DNAH6: variants seen among roughly 807,000 people sequenced by gnomAD.
DNAH6 encodes the protein dynein axonemal heavy chain 6.
Under a neutral mutation model 491.4 loss-of-function variants are expected in DNAH6, and 340 were observed. The observed-to-expected ratio is 0.69, with a 90% CI of 0.63 to 0.76. The LOEUF is 0.76. DNAH6 is among the 30% of genes least tolerant of loss of function. The pLI, the probability that DNAH6 is intolerant of heterozygous loss-of-function variation, is 0.00. For synonymous variants in DNAH6, 1,603 were observed against 1,686.1 expected, an observed-to-expected ratio of 0.95 and a Z score of 1.21; for missense variants, 4,443 against 4,972.2, an observed-to-expected ratio of 0.89 and a Z score of 3.20.
intron 40 of DNAH6, among the ~76,000 whole-genome samples, chr2:84,673,907 G>C (rs1198785912): frequency 6.6e-6 from 1 of 152,146 alleles, no homozygotes; most frequent in Non-Finnish European, 1.5e-5. Context: ...ACACACCCAG[G>C]ATCAATACTT....
intron 10 of DNAH6, among the ~76,000 whole-genome samples, chr2:84,556,752 A>G (rs528555049): frequency 6.6e-6 from 1 of 152,356 alleles, no homozygotes; most frequent in South Asian, 2.1e-4. Context: ...GGTTATGTAC[A>G]GAGATAGATA....
chr2:84,797,576 T>A lies in DNAH6; in HGVS notation c.11399T>A (p.Phe3800Tyr), dbSNP rs1215545101. The A allele has an allele frequency of 6.4e-7, 1 of 1,551,878 alleles. No individual in the cohort carries two copies. The highest frequency in any genetic ancestry group is 8.7e-7 in the Non-Finnish European group (1 of 1,146,930). The change falls in exon 70 of 77, where the codon TTT becomes TAT. Residue 3800 changes from phenylalanine to tyrosine, a missense_variant. This residue lies in a region of DNAH6 where 1,463 missense variants were observed against 1,656.6 expected (regional missense o/e 0.88). Transcript: ENST00000389394. ...FAPMADSLQEFKDYIENLPLI... is the reference protein window; with the variant it reads ...FAPMADSLQEYKDYIENLPLI... ...CCCATGGCTGACAGCCTACAAGAGTTTAAGGACTACATTGAAAATCTGCCT... is the reference window on the plus strand; with the variant it reads ...CCCATGGCTGACAGCCTACAAGAGTATAAGGACTACATTGAAAATCTGCCT...
chr2:84,809,020 T>C (rs1388924307), intron 72 of DNAH6, among the ~76,000 whole-genome samples: 1 of 152,220 alleles, frequency 6.6e-6, no homozygotes, highest in Non-Finnish European at 1.5e-5. Flanking sequence ...GAGTTAGAAT[T>C]TCTTGAAGCA....
upstream of DNAH6, among the ~76,000 whole-genome samples, chr2:84,513,326 T>C (rs1675406842): frequency 6.6e-6 from 1 of 152,164 alleles, no homozygotes; most frequent in African/African-American, 2.4e-5. Context: ...TTGTTGTTTC[T>C]GCCTGTTGTA....
At chr2:84,571,921 A>C (rs1403765805) in intron 11 of DNAH6, among the ~76,000 whole-genome samples, 2 of 152,084 alleles carry the variant, frequency 1.3e-5, no homozygotes, top group Non-Finnish European at 2.9e-5. Flanking sequence ...CTGTCTCAAA[A>C]AGAAAAAAAA....
At chr2:84,620,712 A>G (rs1446078790) in intron 24 of DNAH6, among the ~76,000 whole-genome samples, 1 of 152,228 alleles carries the variant, frequency 6.6e-6, no homozygotes, top group Non-Finnish European at 1.5e-5. Context: ...AGAAGGGGGA[A>G]GACCAAGGAT....
Position 84,713,177 on chromosome 2 carries a change from T to A in DNAH6, c.9461T>A (p.Leu3154His). 1 of 1,551,946 alleles carries A rather than the reference T, an allele frequency of 6.4e-7. No homozygotes were observed. The change falls in exon 57 of 77, where the codon CTT (leucine) becomes CAT (histidine). Residue 3154 changes from leucine to histidine, a missense_variant. Coordinates refer to ENST00000389394, the MANE Select transcript of DNAH6 (RefSeq NM_001370.2). The part of the protein sequence containing the change: ...FISGGRLLIR[L>H]GDSDIDYDKN... The stretch of plus-strand genomic sequence containing the variant: ...AGTGGTGGCCGACTACTCATCCGTC[T>A]TGGAGACTCAGACATTGATTATGAC...
chr2:84,489,782 C>T, the DNAH6 span, among the ~76,000 whole-genome samples: 1 of 152,090 alleles, frequency 6.6e-6, no homozygotes, highest in African/African-American at 2.4e-5. Flanking sequence ...CTTAGCATGC[C>T]TCAGAATCAC....
At chr2:84,508,188 G>A in the DNAH6 span, among the ~76,000 whole-genome samples, 1,797 of 152,188 alleles carry the variant, frequency 0.012, 29 homozygotes, top group African/African-American at 0.037. Flanking sequence ...CTGTGAATCC[G>A]TCTGGTCCTG....
At chr2:84,799,163 T>G (rs539915459) in intron 70 of DNAH6, among the ~76,000 whole-genome samples, 44 of 152,192 alleles carry the variant, frequency 2.9e-4, no homozygotes, top group African/African-American at 1.1e-3. Flanking sequence ...AATTTTTGTG[T>G]TTTTAGTAGA....
At chr2:84,645,985 A>C (rs1689852892) in intron 33 of DNAH6, among the ~76,000 whole-genome samples, 1 of 152,174 alleles carries the variant, frequency 6.6e-6, no homozygotes, top group Non-Finnish European at 1.5e-5. Flanking sequence ...ACTTCATTTT[A>C]CTGCACTTCG....
chr2:84,772,465 C>T (rs1465623682), intron 64 of DNAH6, among the ~76,000 whole-genome samples: 1 of 151,894 alleles, frequency 6.6e-6, no homozygotes, highest in African/African-American at 2.4e-5. Flanking sequence ...AAGAGATTCA[C>T]GTTAGATCCA....
chr2:84,738,918 C>A (rs190128701), intron 62 of DNAH6, among the ~76,000 whole-genome samples: 1 of 152,218 alleles, frequency 6.6e-6, no homozygotes, highest in East Asian at 1.9e-4. Context: ...TGTATAGTTG[C>A]TTTATGGGTA....
the DNAH6 span, among the ~76,000 whole-genome samples, chr2:84,470,808 G>A: frequency 7.2e-5 from 11 of 152,158 alleles, no homozygotes; most frequent in African/African-American, 1.4e-4. Flanking sequence ...GACGAAGTCC[G>A]GTGGAGTCAA....
chr2:84,789,926 G>T (rs1195389268), intron 68 of DNAH6, among the ~76,000 whole-genome samples: 6 of 152,186 alleles, frequency 3.9e-5, no homozygotes, highest in African/African-American at 1.4e-4. Flanking sequence ...AAAAAAGACT[G>T]CATTGACATG....
intron 61 of DNAH6, among the ~76,000 whole-genome samples, chr2:84,729,841 A>G (rs1274014339): frequency 2.6e-5 from 4 of 152,080 alleles, no homozygotes; most frequent in Non-Finnish European, 5.9e-5. Flanking sequence ...AGTATTTTCT[A>G]TTTTTATCGT....
chr2:84,571,983 A>C (rs1573060079), intron 11 of DNAH6, among the ~76,000 whole-genome samples: 1 of 152,154 alleles, frequency 6.6e-6, no homozygotes, highest in East Asian at 1.9e-4. Context: ...TCCTAGGTAG[A>C]AAAGTAGACC....
At chr2:84,764,817 A>G (rs549083979) in intron 64 of DNAH6, among the ~76,000 whole-genome samples, 2 of 152,290 alleles carry the variant, frequency 1.3e-5, no homozygotes, top group South Asian at 4.1e-4. Context: ...TCCTTTATCC[A>G]ATCCACTGTT....
intron 11 of DNAH6, among the ~76,000 whole-genome samples, chr2:84,572,772 G>C (rs1463831524): frequency 6.6e-6 from 1 of 152,192 alleles, no homozygotes; most frequent in African/African-American, 2.4e-5. Flanking sequence ...ACAAGGAAAA[G>C]GTGTGGAGCA....
Sources: allele counts gnomAD v4.1 joint callset (sites outside exome capture counted in the v4.1 genomes callset), GRCh38; gene constraint gnomAD v4.1.1; regional missense constraint gnomAD v4.1.1; transcripts MANE v1.5; gene names NCBI Gene and HGNC (gene_info 2026-07-23, HGNC 2026-07-21).